Variants in CTIF observed in about 807,000 individuals in gnomAD.
CTIF encodes the protein cap binding complex dependent translation initiation factor.
In CTIF, 21 loss-of-function variants were observed where a neutral mutation model predicts 66.0. That is an observed-to-expected ratio of 0.32 (90% confidence interval 0.23 to 0.46). The LOEUF (loss-of-function observed/expected upper bound fraction) is 0.46, where lower values mean the gene tolerates loss of function less well. CTIF is among the 20% of genes least tolerant of loss of function. The pLI is 1.00. For missense variants in CTIF, 739 were observed against 812.7 expected (o/e 0.91, Z 1.10); for synonymous variants, 345 against 326.4 (o/e 1.06, Z -0.62).
chr18:48,818,278 A>G (rs1008722881), intron 10 of CTIF, among the ~76,000 whole-genome samples: 4 of 152,172 alleles, frequency 2.6e-5, no homozygotes, highest in African/African-American at 9.6e-5. Flanking sequence ...ACAGCCTCGG[A>G]GTGAGGGCGA....
intron 6 of CTIF, among the ~76,000 whole-genome samples, chr18:48,699,181 C>A (rs1316571185): frequency 6.6e-6 from 1 of 152,198 alleles, no homozygotes; most frequent in Non-Finnish European, 1.5e-5. Flanking sequence ...GACCCAGTGT[C>A]TCAGTCGAGT....
chr18:48,571,048 T>C (rs554046923), intron 1 of CTIF, among the ~76,000 whole-genome samples: 4 of 152,354 alleles, frequency 2.6e-5, no homozygotes, highest in African/African-American at 9.6e-5. Flanking sequence ...TGAATTTCAC[T>C]TTAATAATTA....
intron 9 of CTIF, among the ~76,000 whole-genome samples, chr18:48,808,485 A>G (rs2068195405): frequency 6.7e-6 from 1 of 148,780 alleles, no homozygotes; most frequent in Admixed American, 6.7e-5. Flanking sequence ...AATGTGAGAA[A>G]TACTCTTTCA....
At chr18:48,809,287 T>A (rs1485829133) in intron 9 of CTIF, among the ~76,000 whole-genome samples, 2 of 152,214 alleles carry the variant, frequency 1.3e-5, no homozygotes, top group Non-Finnish European at 2.9e-5. Context: ...TAAAGGCTTC[T>A]CTCAGATTTT....
intron 9 of CTIF, among the ~76,000 whole-genome samples, chr18:48,796,944 G>A (rs572882453): frequency 3.7e-4 from 56 of 152,124 alleles, no homozygotes; most frequent in African/African-American, 1.3e-3. Flanking sequence ...TCTTTTTTCT[G>A]ACAGCTGGAA....
chr18:48,628,582 C>T (rs1400254714), intron 2 of CTIF, among the ~76,000 whole-genome samples: 1 of 152,132 alleles, frequency 6.6e-6, no homozygotes, highest in Non-Finnish European at 1.5e-5. Flanking sequence ...CCTGTCTCCA[C>T]GTACCATCCA....
intron 6 of CTIF, among the ~76,000 whole-genome samples, chr18:48,700,439 AGTG>A (rs1355195980): frequency 6.6e-6 from 1 of 152,238 alleles, no homozygotes; most frequent in Admixed American, 6.5e-5. Context: ...ACAGCAGGAC[AGTG>A]ATGAACCTGT....
intron 7 of CTIF, among the ~76,000 whole-genome samples, chr18:48,727,915 A>G (rs1361718737): frequency 6.6e-6 from 1 of 152,164 alleles, no homozygotes; most frequent in African/African-American, 2.4e-5. Flanking sequence ...TGCCATCTGG[A>G]CAGTCTGGGA....
chr18:48,668,380 A>T (rs1469411835), intron 5 of CTIF, among the ~76,000 whole-genome samples: 2 of 152,184 alleles, frequency 1.3e-5, no homozygotes, highest in Admixed American at 1.3e-4. Flanking sequence ...AGAACACAGA[A>T]GACTACACGC....
At chr18:48,732,675 TG>T (rs1408219412) in intron 7 of CTIF, among the ~76,000 whole-genome samples, 1 of 152,230 alleles carries the variant, frequency 6.6e-6, no homozygotes, top group Admixed American at 6.5e-5. Context: ...TGAGGTTTCT[TG>T]TTACCCTCTT....
At chr18:48,667,996 A>G (rs2091464171) in intron 5 of CTIF, among the ~76,000 whole-genome samples, 1 of 152,174 alleles carries the variant, frequency 6.6e-6, no homozygotes, top group Admixed American at 6.5e-5. Flanking sequence ...GTTTCCATGG[A>G]GGGACAGAAA....
At chr18:48,810,937 T>G (rs1021100716) in intron 9 of CTIF, among the ~76,000 whole-genome samples, 3 of 152,062 alleles carry the variant, frequency 2.0e-5, no homozygotes, top group Non-Finnish European at 4.4e-5. Context: ...TTTTTTTATA[T>G]CCTGTTTTCA....
chr18:48,860,100 C>G lies in CTIF; in HGVS notation c.*541C>G, dbSNP rs535132121. 3.7e-5 allele frequency: 14 copies of G among 377,194 alleles called. No homozygotes were observed. Among genetic ancestry groups the G allele is most frequent in the Admixed American group, 3.4e-4 (11 of 32,680 alleles). The allele number at this position is 377,194 out of a possible 1,614,324, so 23.4% of individuals were successfully genotyped here. On this transcript the variant is annotated 3_prime_UTR_variant, in exon 12 of 12. Transcript: ENST00000256413. ...GCAGGCACGGTCCCCACCAGCCGCC[C>G]GTAATTGACGGCCTTTGTCAGCCAT...
intron 2 of CTIF, among the ~76,000 whole-genome samples, chr18:48,630,923 C>T (rs2090699542): frequency 6.6e-6 from 1 of 152,104 alleles, no homozygotes. Flanking sequence ...GTGATCCACC[C>T]TCCTCAGCCT....
chr18:48,729,786 G>A (rs1043744968), intron 7 of CTIF, among the ~76,000 whole-genome samples: 5 of 152,224 alleles, frequency 3.3e-5, no homozygotes, highest in African/African-American at 1.2e-4. Flanking sequence ...GATATGGTGG[G>A]GGTTCAGAAT....
intron 9 of CTIF, among the ~76,000 whole-genome samples, chr18:48,809,848 C>A (rs1212161701): frequency 6.6e-6 from 1 of 151,386 alleles, no homozygotes; most frequent in Admixed American, 6.6e-5. Context: ...TTTTATTATA[C>A]TTTTTTTCTA....
intron 1 of CTIF, among the ~76,000 whole-genome samples, chr18:48,574,127 C>A (rs543214862): frequency 1.3e-5 from 2 of 152,252 alleles, no homozygotes; most frequent in African/African-American, 4.8e-5. Flanking sequence ...GCTCCTCCTT[C>A]CTGCCGGGGC....
intron 6 of CTIF, among the ~76,000 whole-genome samples, chr18:48,707,860 C>T (rs2092178142): frequency 6.6e-6 from 1 of 152,160 alleles, no homozygotes; most frequent in Non-Finnish European, 1.5e-5. Context: ...CATCCCTTAG[C>T]AGTCATTCTT....
intron 1 of CTIF, among the ~76,000 whole-genome samples, chr18:48,544,085 T>C (rs2088689545): frequency 6.6e-6 from 1 of 152,182 alleles, no homozygotes; most frequent in Non-Finnish European, 1.5e-5. Context: ...GTGTGTACTT[T>C]TCTAGGAAGA....
Sources: gnomAD v4.1 joint callset for allele counts (sites outside exome capture counted in the v4.1 genomes callset) on GRCh38, gnomAD v4.1.1 for gene constraint, MANE v1.5 for transcripts, NCBI Gene and HGNC (gene_info 2026-07-23, HGNC 2026-07-21) for gene names.